Variants in TNIK observed in about 807,000 individuals in gnomAD.
TNIK encodes the protein TRAF2 and NCK interacting kinase, also known as TRAF2 and NCK-interacting protein kinase.
Under a neutral mutation model 191.3 loss-of-function variants are expected in TNIK, and 49 were observed. The observed-to-expected ratio is 0.26, with a 90% CI of 0.20 to 0.32. The LOEUF (loss-of-function observed/expected upper bound fraction) is 0.32, where lower values mean the gene tolerates loss of function less well. Among genes scored for constraint, TNIK ranks in the 10% least tolerant of loss-of-function variants. TNIK has a pLI of 1.00. For missense variants in TNIK, 1,155 were observed against 1,702.3 expected (o/e 0.68, Z 5.66); for synonymous variants, 594 against 600.9 (o/e 0.99, Z 0.17).
chr3:171,358,099 T>A (rs950619914), intron 2 of TNIK, among the ~76,000 whole-genome samples: 1 of 152,046 alleles, frequency 6.6e-6, no homozygotes, highest in Non-Finnish European at 1.5e-5. Flanking sequence ...AATACTGGAG[T>A]TTCCTGTGGG....
intron 1 of TNIK, among the ~76,000 whole-genome samples, chr3:171,452,612 G>T (rs1054554106): frequency 6.6e-6 from 1 of 151,880 alleles, no homozygotes; most frequent in Admixed American, 6.6e-5. Flanking sequence ...AAAACTCAAC[G>T]TTGTCTTCCA....
intron 1 of TNIK, among the ~76,000 whole-genome samples, chr3:171,387,261 G>A (rs1039721354): frequency 1.2e-4 from 18 of 152,196 alleles, no homozygotes; most frequent in Non-Finnish European, 1.8e-4. Context: ...CTACTTGAGA[G>A]GCAGTAGAGG....
intron 1 of TNIK, among the ~76,000 whole-genome samples, chr3:171,402,740 TC>T (rs943951919): frequency 2.0e-5 from 3 of 152,240 alleles, no homozygotes; most frequent in African/African-American, 7.2e-5. Context: ...AGGAATTTTT[TC>T]TATGTTATTT....
chr3:171,164,236 G>A (rs1312736424), intron 10 of TNIK, among the ~76,000 whole-genome samples: 2 of 152,232 alleles, frequency 1.3e-5, no homozygotes, highest in African/African-American at 4.8e-5. Context: ...GGCATGGTGA[G>A]TTCTGAGTCA....
intron 22 of TNIK, among the ~76,000 whole-genome samples, chr3:171,094,425 C>T (rs879922673): frequency 2.0e-5 from 3 of 152,132 alleles, no homozygotes; most frequent in South Asian, 2.1e-4. Flanking sequence ...CGTGAGCCAC[C>T]GCGCCCTGCC....
chr3:171,107,512 A>C (rs912182541), intron 20 of TNIK, among the ~76,000 whole-genome samples: 1 of 152,224 alleles, frequency 6.6e-6, no homozygotes, highest in Non-Finnish European at 1.5e-5. Context: ...CAACTTTCAA[A>C]TTTTAGCCTC....
At chr3:171,201,433 A>T (rs184390817) in intron 4 of TNIK, among the ~76,000 whole-genome samples, 5 of 152,130 alleles carry the variant, frequency 3.3e-5, no homozygotes, top group Non-Finnish European at 7.4e-5. Flanking sequence ...AAATAAAAAT[A>T]AATAATAGGA....
At chr3:171,119,392 A>G (rs966460519) in intron 18 of TNIK, among the ~76,000 whole-genome samples, 41 of 152,254 alleles carry the variant, frequency 2.7e-4, no homozygotes, top group Non-Finnish European at 4.7e-4. Context: ...GCGATTCCTC[A>G]GGGATCTAGA....
chr3:171,340,666 C>A (rs1370372453), intron 2 of TNIK, among the ~76,000 whole-genome samples: 2 of 152,166 alleles, frequency 1.3e-5, no homozygotes, highest in Non-Finnish European at 2.9e-5. Flanking sequence ...TCTTTTAGTG[C>A]CTAACACAGA....
chr3:171,133,070 T>A (rs1372009661), intron 15 of TNIK, among the ~76,000 whole-genome samples: 6 of 152,212 alleles, frequency 3.9e-5, no homozygotes, highest in Non-Finnish European at 8.8e-5. Flanking sequence ...GGCAGATGGT[T>A]ACTGAGCAAG....
At chr3:171,167,555 G>A (rs1734759718) in intron 9 of TNIK, among the ~76,000 whole-genome samples, 1 of 152,126 alleles carries the variant, frequency 6.6e-6, no homozygotes, top group African/African-American at 2.4e-5. Context: ...AAGGACGCAG[G>A]GAAGAAAAAG....
intron 1 of TNIK, among the ~76,000 whole-genome samples, chr3:171,406,187 T>C (rs774141598): frequency 3.3e-5 from 5 of 152,056 alleles, no homozygotes; most frequent in Admixed American, 6.5e-5. Flanking sequence ...AGCACCTACT[T>C]ACCATGGGTT....
At chr3:171,234,686 A>C (rs188881674) in intron 2 of TNIK, among the ~76,000 whole-genome samples, 1 of 152,358 alleles carries the variant, frequency 6.6e-6, no homozygotes, top group African/African-American at 2.4e-5. Flanking sequence ...TTATAAATCA[A>C]AATGGATGCT....
chr3:171,097,969 A>G (rs1294781838), intron 22 of TNIK, among the ~76,000 whole-genome samples: 1 of 152,224 alleles, frequency 6.6e-6, no homozygotes, highest in African/African-American at 2.4e-5. Context: ...ACTGATATAA[A>G]TGATGGAATA....
intron 4 of TNIK, among the ~76,000 whole-genome samples, chr3:171,202,315 C>T (rs1266334994): frequency 1.3e-5 from 2 of 151,872 alleles, no homozygotes; most frequent in Non-Finnish European, 2.9e-5. Context: ...CTCTGCATCT[C>T]GGAATGTTAC....
chr3:171,348,260 T>G (rs1394088712), intron 2 of TNIK, among the ~76,000 whole-genome samples: 1 of 152,220 alleles, frequency 6.6e-6, no homozygotes, highest in East Asian at 1.9e-4. Context: ...AAACCATAGA[T>G]TTTGTTTAAG....
At chr3:171,064,591 G>A (rs1718188516) in intron 32 of TNIK, among the ~76,000 whole-genome samples, 1 of 152,216 alleles carries the variant, frequency 6.6e-6, no homozygotes, top group Non-Finnish European at 1.5e-5. Context: ...CAGGGCAAAT[G>A]AGATCATAGC....
intron 3 of TNIK, among the ~76,000 whole-genome samples, chr3:171,217,109 C>T (rs1007728575): frequency 2.6e-5 from 4 of 152,054 alleles, no homozygotes; most frequent in South Asian, 2.1e-4. Flanking sequence ...ACATGTTCAC[C>T]GCAGCACTAT....
At chr3:171,145,109 TG>T (rs1174563006) in intron 12 of TNIK, among the ~76,000 whole-genome samples, 15 of 146,724 alleles carry the variant, frequency 1.0e-4, no homozygotes, top group African/African-American at 3.8e-4. Flanking sequence ...TTTTTTGAGA[TG>T]GAGTCTTGCT....
Sources: allele counts gnomAD v4.1 joint callset (sites outside exome capture counted in the v4.1 genomes callset), GRCh38; gene constraint gnomAD v4.1.1; transcripts MANE v1.5; gene names NCBI Gene and HGNC (gene_info 2026-07-23, HGNC 2026-07-21).